Variants in TMPRSS13 observed in about 807,000 individuals in gnomAD.
TMPRSS13 encodes transmembrane serine protease 13, also known as transmembrane protease serine 13.
In TMPRSS13, 50 loss-of-function variants were observed where a neutral mutation model predicts 68.4. The ratio of observed to expected loss-of-function variants is 0.73; its 90% confidence interval spans 0.58 to 0.93. The LOEUF (loss-of-function observed/expected upper bound fraction) is 0.93, where lower values mean the gene tolerates loss of function less well. TMPRSS13 is among the 40% of genes least tolerant of loss of function. The pLI is 0.00. For missense variants in TMPRSS13, 615 were observed against 729.2 expected, an observed-to-expected ratio of 0.84 and a Z score of 1.80; for synonymous variants, 267 against 285.8, an observed-to-expected ratio of 0.93 and a Z score of 0.66.
intron 6 of TMPRSS13, among the ~76,000 whole-genome samples, chr11:117,911,026 T>A (rs1688976800): frequency 6.6e-6 from 1 of 152,204 alleles, no homozygotes; most frequent in African/African-American, 2.4e-5. Context: ...CAGATCCATG[T>A]TCTTCGAACT....
chr11:117,906,595 ATTC>A (rs2057466725), intron 9 of TMPRSS13, among the ~76,000 whole-genome samples: 1 of 152,208 alleles, frequency 6.6e-6, no homozygotes, highest in African/African-American at 2.4e-5. Flanking sequence ...ATGATTTTAA[ATTC>A]TTCTCCCATA....
Position 117,902,000 on chromosome 11 carries a change from C to A in TMPRSS13, c.*239G>T. On this transcript the variant is annotated 3_prime_UTR_variant, in exon 13 of 13. Transcript: ENST00000524993. ...CTCTTGTCTCCAGGTAATTTCCAGCCTGGGATTTTGAGAAGAGTTGACAGC... is the reference window on the plus strand; with the variant it reads ...CTCTTGTCTCCAGGTAATTTCCAGCATGGGATTTTGAGAAGAGTTGACAGC... 1.7e-6 allele frequency: 1 copy of A among 590,032 alleles called. No individual in the cohort carries two copies. The highest frequency in any genetic ancestry group is 2.9e-5 in the East Asian group (1 of 34,612). 36.5% of individuals were successfully genotyped at this position (590,032 alleles called of 1,614,324 possible). A position where few individuals can be genotyped will look rare whatever the true frequency, so the allele number is the denominator to read the frequency against.
intron 1 of TMPRSS13, among the ~76,000 whole-genome samples, chr11:117,919,098 G>C (rs1201172987): frequency 6.6e-6 from 1 of 152,176 alleles, no homozygotes; most frequent in Non-Finnish European, 1.5e-5. Flanking sequence ...AATGGGCCAA[G>C]TGCCCGGGGG....
intron 1 of TMPRSS13, among the ~76,000 whole-genome samples, chr11:117,923,838 T>TAAAAA (rs1555057480): frequency 2.5e-3 from 324 of 127,956 alleles, no homozygotes; most frequent in African/African-American, 6.6e-3. Flanking sequence ...GTATAATAAT[T>TAAAAA]AAAAAAAAAA....
chr11:117,917,079 C>T (rs1158843064), intron 3 of TMPRSS13, 91 bp downstream of exon 3: 1 of 1,064,708 alleles, frequency 9.4e-7, no homozygotes, highest in Non-Finnish European at 1.4e-6. Context: ...GGGTGCTCCC[C>T]ACACCTGTCT....
chr11:117,918,198 C>G (rs1020660922), intron 2 of TMPRSS13, among the ~76,000 whole-genome samples: 1 of 152,118 alleles, frequency 6.6e-6, no homozygotes, highest in South Asian at 2.1e-4. Context: ...TTATCACCTA[C>G]CCCCTTTGCC....
intron 9 of TMPRSS13, 94 bp downstream of exon 9, chr11:117,908,518 C>G: frequency 7.1e-7 from 1 of 1,402,284 alleles, no homozygotes; most frequent in Non-Finnish European, 9.8e-7. Context: ...AGCTTTGGGG[C>G]CCGGATATGA....
chr11:117,929,327 C>A lies in TMPRSS13; in HGVS notation c.-20G>T. 6.2e-7 allele frequency: 1 copy of A among 1,603,974 alleles called. No individual in the cohort carries two copies. The highest frequency in any genetic ancestry group is 8.5e-7 in the Non-Finnish European group (1 of 1,175,444). On this transcript the variant is annotated 5_prime_UTR_variant, in exon 1 of 13. Transcript: ENST00000524993. ...CTCCATGGTCTCTGAGGGGAAGAGT[C>A]CTCCAGGCTTAGCTGATGTCGAGGA...
At chr11:117,927,346 G>C (rs1042085472) in intron 1 of TMPRSS13, among the ~76,000 whole-genome samples, 5 of 152,190 alleles carry the variant, frequency 3.3e-5, no homozygotes, top group African/African-American at 1.2e-4. Flanking sequence ...TTTGAGAGTA[G>C]TATTATTATT....
At position 117,910,730 on chromosome 11, in the gene TMPRSS13, C is replaced by G. The variant is rs200978657; in HGVS notation, c.923G>C (p.Arg308Pro). The G allele has an allele frequency of 3.7e-6, 6 of 1,608,832 alleles. No individual in the cohort carries two copies. The highest frequency in any genetic ancestry group is 5.1e-6 in the Non-Finnish European group (6 of 1,177,072). ...SLHRSECPSQ[R>P]YISLQCSHCG... ...ACGGGAACACTGGAGAGAGATATAC[C>G]GCTGGGAAGGGCATTCAGACCTGCA... Residue 308 changes from arginine to proline, a missense_variant, in exon 7 of 13, where the codon CGG becomes CCG. By Grantham distance (103) the Arg-to-Pro change is moderately radical. Coordinates refer to ENST00000524993, the MANE Select transcript of TMPRSS13 (RefSeq NM_001077263.3).
rs1241257639 is a variant in TMPRSS13, at chr11:117,909,941, C to T, written c.974G>A (p.Arg325Gln). The T allele has an allele frequency of 5.6e-6, 9 of 1,614,044 alleles. No individual in the cohort carries two copies. The highest frequency in any genetic ancestry group is 2.7e-5 in the African/African-American group (2 of 74,932). ...SHCGLRAMTG[R>Q]IVGGALASDS... ...CGAGGCCAGCGCCCCTCCCACGATC[C>T]GCCCGGTCATGGCCCTCAGTCCGCA... The change falls in exon 8 of 13, where the codon CGG becomes CAG. Residue 325 changes from arginine (R) to glutamine (Q), a missense_variant. Physicochemically the swap from Arg to Gln is conservative, Grantham distance 43. Coordinates refer to ENST00000524993, the MANE Select transcript of TMPRSS13 (RefSeq NM_001077263.3).
At chr11:117,916,295 C>A (rs1232606731) in intron 3 of TMPRSS13, among the ~76,000 whole-genome samples, 3 of 152,240 alleles carry the variant, frequency 2.0e-5, no homozygotes, top group Non-Finnish European at 2.9e-5. Flanking sequence ...GCTGTCCTTG[C>A]CACCTGGTTT....
intron 9 of TMPRSS13, chr11:117,907,734 T>C (rs2057477723): frequency 2.2e-6 from 2 of 910,770 alleles, no homozygotes; most frequent in South Asian, 1.0e-4. Context: ...GGATGATTAG[T>C]TGCTCCCGCC....
Position 117,903,696 on chromosome 11 carries a change from T to C in TMPRSS13, c.1636A>G (p.Lys546Glu). The C allele has an allele frequency of 6.2e-7, 1 of 1,614,150 alleles. No individual in the cohort carries two copies. Among genetic ancestry groups the C allele is most frequent in the Non-Finnish European group, 8.5e-7 (1 of 1,180,014 alleles). Residue 546 changes from lysine to glutamate, a missense_variant, in exon 12 of 13, where the codon AAA (lysine) becomes GAA (glutamate). Coordinates refer to ENST00000524993, the MANE Select transcript of TMPRSS13 (RefSeq NM_001077263.3). ...ATCCAGGGAAGAACTTCTGTCACTT[T>C]GGTGTACACACCAGGTTTGTTTCTC... ...GQRNKPGVYT[K>E]VTEVLPWIYS...
At chr11:117,916,140 C>T (rs560264255) in intron 3 of TMPRSS13, among the ~76,000 whole-genome samples, 1 of 152,274 alleles carries the variant, frequency 6.6e-6, no homozygotes. Context: ...ACTGGTGCTG[C>T]CTCTTTAACA....
intron 3 of TMPRSS13, among the ~76,000 whole-genome samples, chr11:117,916,039 G>A (rs2057574663): frequency 1.3e-5 from 2 of 152,188 alleles, no homozygotes; most frequent in Admixed American, 1.3e-4. Context: ...ACTAAAGCCT[G>A]CTCTGCCAGC....
chr11:117,903,063 CT>C (rs754024370), intron 12 of TMPRSS13: 104 of 1,092,674 alleles, frequency 9.5e-5, no homozygotes, highest in Non-Finnish European at 1.1e-4. Flanking sequence ...TATTTTATTA[CT>C]TTATACTCTT....
intron 9 of TMPRSS13, chr11:117,908,305 G>A (rs2057483652): frequency 1.8e-6 from 1 of 561,342 alleles, no homozygotes; most frequent in African/African-American, 1.9e-5. Flanking sequence ...TTGGCCCCTA[G>A]GTGCTCAGTT....
chr11:117,908,699 C>A lies in TMPRSS13; in HGVS notation c.1195G>T (p.Glu399Ter). 1 of 1,604,944 alleles carries A rather than the reference C, an allele frequency of 6.2e-7. No homozygotes were observed. Residue 399 changes from glutamate (E) to a stop codon, truncating the protein, a stop_gained, in exon 9 of 13, where the codon GAG (glutamate) becomes TAG (stop). Transcript: ENST00000524993. LOFTEE classifies it high-confidence loss of function. ...GTGTAATTGCTGTTGATGATGATCT[C>A]GGCAATGGAGGCTGCCTCAGGCAAC... ...HQLPEAASIA[E>*]IIINSNYTDE...
Sources: allele counts gnomAD v4.1 joint callset (sites outside exome capture counted in the v4.1 genomes callset), GRCh38; gene constraint gnomAD v4.1.1; transcripts MANE v1.5; gene names NCBI Gene and HGNC (gene_info 2026-07-23, HGNC 2026-07-21).